Variants in UNC79 observed in about 807,000 individuals in gnomAD.
The protein encoded by UNC79 is protein unc-79 homolog.
Under a neutral mutation model 283.1 loss-of-function variants are expected in UNC79, and 37 were observed. The observed-to-expected ratio is 0.13, with a 90% CI of 0.10 to 0.17. The LOEUF (loss-of-function observed/expected upper bound fraction) is 0.17, where lower values mean the gene tolerates loss of function less well. Ranked by LOEUF, UNC79 falls within the 10% of genes least tolerant of loss-of-function variation. The pLI, the probability that UNC79 is intolerant of heterozygous loss-of-function variation, is 1.00. For missense variants in UNC79, 2,272 were observed against 3,211.1 expected (o/e 0.71, Z 7.07); for synonymous variants, 1,107 against 1,200.2 (o/e 0.92, Z 1.61).
chr14:93,529,744 G>A (rs2060718837), intron 10 of UNC79, among the ~76,000 whole-genome samples: 1 of 152,176 alleles, frequency 6.6e-6, no homozygotes, highest in Non-Finnish European at 1.5e-5. Flanking sequence ...CTAGTACCAT[G>A]TTGTGGGGGG....
At chr14:93,576,838 G>T (rs1011900512) in intron 17 of UNC79, among the ~76,000 whole-genome samples, 8 of 152,134 alleles carry the variant, frequency 5.3e-5, no homozygotes, top group Non-Finnish European at 1.2e-4. Flanking sequence ...CAGGAATTCT[G>T]CTGGTACCTC....
chr14:93,459,433 C>T (rs541378230), intron 1 of UNC79, among the ~76,000 whole-genome samples: 3 of 152,132 alleles, frequency 2.0e-5, no homozygotes, highest in African/African-American at 7.2e-5. Context: ...CTGCTTACTG[C>T]AGTTTTACTT....
intron 1 of UNC79, among the ~76,000 whole-genome samples, chr14:93,438,977 T>C (rs1447374990): frequency 6.6e-6 from 1 of 152,076 alleles, no homozygotes; most frequent in Non-Finnish European, 1.5e-5. Context: ...TTTTTTGCCA[T>C]CATAATTGAG....
intron 1 of UNC79, among the ~76,000 whole-genome samples, chr14:93,341,906 T>G (rs557904550): frequency 4.6e-5 from 7 of 152,334 alleles, no homozygotes; most frequent in African/African-American, 9.6e-5. Context: ...TCCCAAGGCC[T>G]TGGGCAGCTA....
chr14:93,633,216 G>A (rs113816988), intron 31 of UNC79, among the ~76,000 whole-genome samples: 5 of 152,152 alleles, frequency 3.3e-5, no homozygotes, highest in African/African-American at 1.2e-4. Flanking sequence ...AACCAGAGAT[G>A]TTTAGTATTA....
chr14:93,581,805 T>C lies in UNC79; in HGVS notation c.2662-398T>C, dbSNP rs541947970. ...CCATGCCCGGCCATTTGCATCTTAA[T>C]ATAGCTTTGTGAACCCGTTATTATT... On this transcript the variant is annotated intron_variant, in intron 19 of 48. Transcript: ENST00000555664. Among the ~76,000 whole-genome samples the C allele has an allele frequency of 1.9e-4, 29 of 152,284 alleles. No individual in the cohort carries two copies. In the Middle Eastern group the frequency reaches 0.01, roughly 54 times the overall value.
chr14:93,679,608 G>T (rs2073665355), intron 41 of UNC79, among the ~76,000 whole-genome samples: 1 of 152,238 alleles, frequency 6.6e-6, no homozygotes, highest in Non-Finnish European at 1.5e-5. Context: ...CAGAGAACTG[G>T]TGGAGGAACA....
rs901270649 is a variant in UNC79, at chr14:93,690,113, A to C, written c.7086-4A>C. ...CATCTTTAACACTCCTTCTTCTCTAATAGACCTAAAGAATTCATTGAGTGT... is the reference window on the plus strand; with the variant it reads ...CATCTTTAACACTCCTTCTTCTCTACTAGACCTAAAGAATTCATTGAGTGT... On this transcript the variant is annotated splice_polypyrimidine_tract_variant and splice_region_variant and intron_variant, in intron 44 of 48. Transcript: ENST00000555664. This position sits in a 1 kb window ranked among gnomAD's most constrained non-coding sequence, Gnocchi z 4.3. 6.2e-7 allele frequency: 1 copy of C among 1,613,856 alleles called. No homozygotes were observed. The highest frequency in any genetic ancestry group is 8.5e-7 in the Non-Finnish European group (1 of 1,179,860).
chr14:93,409,987 A>G (rs1012884282), intron 1 of UNC79, among the ~76,000 whole-genome samples: 1 of 152,240 alleles, frequency 6.6e-6, no homozygotes, highest in African/African-American at 2.4e-5. Context: ...GCACCTGCAT[A>G]GGAACCAAAA....
chr14:93,431,724 A>T (rs375916265), intron 1 of UNC79, among the ~76,000 whole-genome samples: 1 of 152,266 alleles, frequency 6.6e-6, no homozygotes, highest in East Asian at 1.9e-4. Flanking sequence ...TTTGTAGGGC[A>T]GCCCATAGCA....
chr14:93,414,692 C>G (rs2055413884), intron 1 of UNC79, among the ~76,000 whole-genome samples: 1 of 152,178 alleles, frequency 6.6e-6, no homozygotes. Context: ...TTTGTATCCT[C>G]TTTTATTTCA....
At chr14:93,344,051 A>G (rs1005253793) in intron 1 of UNC79, among the ~76,000 whole-genome samples, 2 of 152,050 alleles carry the variant, frequency 1.3e-5, no homozygotes, top group African/African-American at 4.8e-5. Flanking sequence ...CAGGGAGCTT[A>G]ATTGTGTTGT....
chr14:93,408,130 C>T (rs1032546456), intron 1 of UNC79, among the ~76,000 whole-genome samples: 2 of 152,086 alleles, frequency 1.3e-5, no homozygotes, highest in African/African-American at 4.8e-5. Context: ...CAGTACCAGA[C>T]TCGAATAGGG....
At chr14:93,673,626 C>T (rs1370989649) in intron 41 of UNC79, among the ~76,000 whole-genome samples, 171 bp downstream of exon 44, 1 of 152,040 alleles carries the variant, frequency 6.6e-6, no homozygotes, top group African/African-American at 2.4e-5. Flanking sequence ...GACGCTTCCA[C>T]TGGCTAAAAA....
intron 7 of UNC79, among the ~76,000 whole-genome samples, chr14:93,504,180 A>C (rs1828607745): frequency 6.6e-6 from 1 of 151,876 alleles, no homozygotes; most frequent in South Asian, 2.1e-4. Context: ...TTTTAAATCC[A>C]CCTGTGCAAG....
chr14:93,484,324 A>G (rs951360249), intron 4 of UNC79, among the ~76,000 whole-genome samples: 2 of 152,256 alleles, frequency 1.3e-5, no homozygotes, highest in African/African-American at 4.8e-5. Context: ...AGCATTAGCT[A>G]TGAAATCAAG....
chr14:93,426,046 T>C (rs1273206792), upstream of UNC79, among the ~76,000 whole-genome samples: 2 of 152,180 alleles, frequency 1.3e-5, no homozygotes, highest in Non-Finnish European at 2.9e-5. Flanking sequence ...TCTGAAAATA[T>C]TTTTATTTTA....
At chr14:93,694,397 G>T in exon 47 of UNC79, 1 of 1,609,586 alleles carries the variant, frequency 6.2e-7, no homozygotes, top group Non-Finnish European at 8.5e-7. Flanking sequence ...AATGCAATTC[G>T]ACCATTTTTG....
downstream of UNC79, chr14:93,707,000 T>C: frequency 1.4e-6 from 2 of 1,394,540 alleles, no homozygotes; most frequent in South Asian, 2.6e-5. Flanking sequence ...AACATATTGG[T>C]ACTGTACATT....
Sources: allele counts gnomAD v4.1 joint callset (sites outside exome capture counted in the v4.1 genomes callset), GRCh38; gene constraint gnomAD v4.1.1; non-coding constraint Gnocchi (gnomAD v3.1); transcripts MANE v1.5; gene names NCBI Gene and HGNC (gene_info 2026-07-23, HGNC 2026-07-21).